The following TRAPPC9 variants were observed in gnomAD, a reference collection of about 807,000 sequenced individuals.
TRAPPC9 encodes IKK2 binding protein.
In TRAPPC9, 83 loss-of-function variants were observed where a neutral mutation model predicts 124.0. That is an observed-to-expected ratio of 0.67 (90% confidence interval 0.56 to 0.80). TRAPPC9 has a LOEUF of 0.80. TRAPPC9 is among the 30% of genes least tolerant of loss of function. TRAPPC9 has a pLI of 0.00. For synonymous variants in TRAPPC9, 638 were observed against 617.5 expected (o/e 1.03, Z -0.49); for missense variants, 1,302 against 1,508.3 (o/e 0.86, Z 2.27).
intron 19 of TRAPPC9, among the ~76,000 whole-genome samples, chr8:139,927,168 T>C (rs1029074667): frequency 2.0e-5 from 3 of 152,184 alleles, no homozygotes; most frequent in African/African-American, 7.2e-5. Context: ...CATCAAGCAT[T>C]GGCAGTGACT....
intron 5 of TRAPPC9, among the ~76,000 whole-genome samples, chr8:140,413,311 C>T (rs895936458): frequency 2.6e-5 from 4 of 152,060 alleles, no homozygotes; most frequent in East Asian, 1.9e-4. Flanking sequence ...ATCGCTTGAA[C>T]CAGGGAAGCA....
At chr8:139,772,664 A>C (rs537538810) in intron 21 of TRAPPC9, among the ~76,000 whole-genome samples, 3 of 152,348 alleles carry the variant, frequency 2.0e-5, no homozygotes, top group East Asian at 3.9e-4. Flanking sequence ...ATCTTTGTGC[A>C]GCTCTATTAA....
intron 17 of TRAPPC9, among the ~76,000 whole-genome samples, chr8:140,208,300 C>T (rs911267708): frequency 2.6e-5 from 4 of 152,072 alleles, no homozygotes; most frequent in Non-Finnish European, 4.4e-5. Flanking sequence ...CGGAAGTGTC[C>T]GTAAGGATGC....
chr8:140,335,862 A>G lies in TRAPPC9; in HGVS notation c.1495+24188T>C, dbSNP rs866858838. On this transcript the variant is annotated intron_variant, in intron 9 of 22. Transcript: ENST00000438773. ...GCTGGGATTACAGGCTCCCGCCACC[A>G]TGTCTGGCCAGTTTTTGTATTTTCA... Among the ~76,000 whole-genome samples, 25 of 151,912 alleles carry G rather than the reference A, an allele frequency of 1.6e-4. No individual in the cohort carries two copies. The South Asian group carries it at 3.3e-3, about 20-fold the overall frequency.
intron 21 of TRAPPC9, among the ~76,000 whole-genome samples, chr8:139,836,897 A>G (rs1205302257): frequency 1.3e-5 from 2 of 152,034 alleles, no homozygotes; most frequent in Admixed American, 1.3e-4. Context: ...GGAGGTCAGA[A>G]AGGCTTGATG....
chr8:140,402,667 G>C (rs2069319990), intron 6 of TRAPPC9, among the ~76,000 whole-genome samples: 1 of 151,502 alleles, frequency 6.6e-6, no homozygotes. Flanking sequence ...CTGCACTCCA[G>C]CCTGGGCAAC....
intron 17 of TRAPPC9, among the ~76,000 whole-genome samples, chr8:140,057,606 G>A (rs1186390825): frequency 1.3e-5 from 2 of 152,178 alleles, no homozygotes; most frequent in East Asian, 1.9e-4. Context: ...AACACTGCAC[G>A]ATTCTGCTTA....
chr8:139,856,709 C>T (rs967104974), intron 21 of TRAPPC9, among the ~76,000 whole-genome samples: 9 of 150,398 alleles, frequency 6.0e-5, no homozygotes, highest in African/African-American at 2.2e-4. Flanking sequence ...TGTTAATTTC[C>T]TCCCATGTCA....
chr8:140,399,580 G>A (rs1017421385), intron 6 of TRAPPC9, among the ~76,000 whole-genome samples: 1 of 152,152 alleles, frequency 6.6e-6, no homozygotes, highest in African/African-American at 2.4e-5. Flanking sequence ...TAACCCCTTT[G>A]TTTTGCCAAT....
intron 17 of TRAPPC9, among the ~76,000 whole-genome samples, chr8:140,025,424 T>C (rs2131933404): frequency 6.6e-6 from 1 of 152,320 alleles, no homozygotes; most frequent in South Asian, 2.1e-4. Flanking sequence ...CATATGCGGC[T>C]GGCAAAGCTT....
chr8:140,024,830 C>T (rs778306858), intron 17 of TRAPPC9, among the ~76,000 whole-genome samples: 3 of 131,990 alleles, frequency 2.3e-5, no homozygotes, highest in South Asian at 2.4e-4. Context: ...AGGTGACAGG[C>T]GGGGGCGGGG....
intron 19 of TRAPPC9, among the ~76,000 whole-genome samples, chr8:139,917,788 G>T (rs1240505784): frequency 1.3e-5 from 2 of 152,376 alleles, no homozygotes; most frequent in East Asian, 3.9e-4. Flanking sequence ...CCAGGAACCT[G>T]TGGTAAGCGT....
intron 17 of TRAPPC9, among the ~76,000 whole-genome samples, chr8:140,072,569 A>AGG: frequency 3.1e-5 from 1 of 32,516 alleles, no homozygotes; most frequent in African/African-American, 1.1e-4. Flanking sequence ...GAGGAGGAGA[A>AGG]AGGAAGGAGG....
intron 21 of TRAPPC9, among the ~76,000 whole-genome samples, chr8:139,809,634 C>G (rs1012482591): frequency 3.9e-5 from 6 of 152,142 alleles, no homozygotes; most frequent in South Asian, 2.1e-4. Context: ...GGCCTCCTGA[C>G]AGCCCAGCCC....
At chr8:139,777,212 C>T (rs995096109) in intron 21 of TRAPPC9, among the ~76,000 whole-genome samples, 6 of 152,254 alleles carry the variant, frequency 3.9e-5, no homozygotes, top group African/African-American at 1.4e-4. Flanking sequence ...AGTACTTCTG[C>T]ACCACCTACC....
Position 140,287,628 on chromosome 8 carries a change from G to C in TRAPPC9, c.1961C>G (p.Thr654Ser). The change falls in exon 13 of 23, where the codon ACT becomes AGT. Residue 654 changes from threonine (T) to serine (S), a missense_variant. Thr to Ser is a moderately conservative substitution (Grantham distance 58, BLOSUM62 1). Transcript: ENST00000438773. ...PVTLVGVPQT[T>S]GTITVNGYHT... is the part of the protein sequence containing the mutation. ...CTTACCGTTCACAGTAATCGTTCCA[G>C]TCGTCTGCGGGACCCCGACGAGCGT... The C allele has an allele frequency of 1.2e-6, 2 of 1,614,194 alleles. No homozygotes were observed. Among genetic ancestry groups the C allele is most frequent in the Middle Eastern group, 1.6e-4 (1 of 6,062 alleles).
chr8:139,867,665 G>A (rs914305095), intron 21 of TRAPPC9, among the ~76,000 whole-genome samples: 1 of 152,178 alleles, frequency 6.6e-6, no homozygotes, highest in African/African-American at 2.4e-5. Context: ...TGACATTCCT[G>A]CCAAAAATGT....
Position 140,359,795 on chromosome 8 carries a change from A to G in TRAPPC9, c.1495+255T>C, listed in dbSNP as rs534327201. On this transcript the variant is annotated intron_variant, in intron 9 of 22. Transcript: ENST00000438773. ...GAAAAGAAGCCTGAGAGGTGGAGGG[A>G]AAAGCCATGGAGTGTGGCGGCCGAG... Among the ~76,000 whole-genome samples the G allele has an allele frequency of 2.0e-5, 3 of 152,294 alleles. No homozygotes were observed. The South Asian group carries it at 6.2e-4, about 32-fold the overall frequency.
At position 140,451,322 on chromosome 8, in the gene TRAPPC9, C is replaced by T. The variant is rs759083867; in HGVS notation, c.52G>A (p.Val18Met). 15 of 1,607,236 alleles carry T rather than the reference C, an allele frequency of 9.3e-6. No homozygotes were observed. Among genetic ancestry groups the T allele is most frequent in the Non-Finnish European group, 8.5e-6 (10 of 1,179,996 alleles). ...ACGATGCCCACAGGCTGGACCACCA[C>T]GAGCAGCGTCTGGTGGTCCTCAGCA... ...QCAEDHQTLL[V>M]VVQPVGIVSE... Residue 18 changes from valine to methionine, a missense_variant, in exon 2 of 23, where the codon GTG becomes ATG. By Grantham distance (21) the Val-to-Met change is conservative. Coordinates refer to ENST00000438773, the MANE Select transcript of TRAPPC9 (RefSeq NM_001160372.4).
Sources: gnomAD v4.1 joint callset for allele counts (sites outside exome capture counted in the v4.1 genomes callset) on GRCh38, gnomAD v4.1.1 for gene constraint, MANE v1.5 for transcripts, NCBI Gene and HGNC (gene_info 2026-07-23, HGNC 2026-07-21) for gene names.